Variants in CDKAL1 observed in about 807,000 individuals in gnomAD.
CDKAL1 encodes the protein CDKAL1 threonylcarbamoyladenosine tRNA methylthiotransferase.
In CDKAL1, 32 loss-of-function variants were observed where a neutral mutation model predicts 68.2. That is an observed-to-expected ratio of 0.47 (90% CI 0.35 to 0.63). The LOEUF is 0.63. Ranked by LOEUF, CDKAL1 falls within the 30% of genes least tolerant of loss-of-function variation. The pLI is 0.00. For missense variants in CDKAL1, 606 were observed against 696.7 expected (o/e 0.87, Z 1.47); for synonymous variants, 234 against 244.3 (o/e 0.96, Z 0.39).
chr6:20,647,160 TCA>T (rs1768511727), intron 4 of CDKAL1, among the ~76,000 whole-genome samples: 1 of 152,274 alleles, frequency 6.6e-6, no homozygotes, highest in Non-Finnish European at 1.5e-5. Context: ...TATTGCTTTG[TCA>T]TTTGAAATTC....
chr6:20,766,296 TG>T (rs754245921), intron 7 of CDKAL1, among the ~76,000 whole-genome samples: 8 of 152,212 alleles, frequency 5.3e-5, no homozygotes, highest in Non-Finnish European at 1.5e-5. Flanking sequence ...TTCTTAATTC[TG>T]GGGTTTTGGT....
intron 15 of CDKAL1, among the ~76,000 whole-genome samples, chr6:21,228,609 T>G (rs1779839634): frequency 6.6e-6 from 1 of 152,200 alleles, no homozygotes; most frequent in African/African-American, 2.4e-5. Context: ...TCTCATATTA[T>G]TCACTCGATC....
intron 5 of CDKAL1, among the ~76,000 whole-genome samples, chr6:20,726,501 A>G (rs1772665512): frequency 6.6e-6 from 1 of 152,206 alleles, no homozygotes; most frequent in Non-Finnish European, 1.5e-5. Context: ...AACTTCTTTA[A>G]ATATTTTAGA....
chr6:21,016,152 G>GTATA (rs145660610), intron 11 of CDKAL1, among the ~76,000 whole-genome samples: 155 of 148,168 alleles, frequency 1.0e-3, no homozygotes, highest in South Asian at 1.9e-3. Flanking sequence ...ATATATATGT[G>GTATA]TATATATATA....
At chr6:20,963,159 C>T (rs1156354879) in intron 10 of CDKAL1, among the ~76,000 whole-genome samples, 2 of 152,124 alleles carry the variant, frequency 1.3e-5, no homozygotes, top group Non-Finnish European at 2.9e-5. Context: ...TCCTTTCTTG[C>T]CTGCCAAAGG....
intron 6 of CDKAL1, among the ~76,000 whole-genome samples, chr6:20,741,606 G>A (rs1167551295): frequency 2.6e-5 from 4 of 151,960 alleles, no homozygotes; most frequent in African/African-American, 7.2e-5. Context: ...AAGGATAATG[G>A]CCTCCAGCTC....
intron 13 of CDKAL1, among the ~76,000 whole-genome samples, chr6:21,155,517 C>G (rs1776601930): frequency 6.6e-6 from 1 of 152,146 alleles, no homozygotes; most frequent in Non-Finnish European, 1.5e-5. Context: ...ACATCACCTC[C>G]CATGGTAGCA....
chr6:20,740,106 T>C (rs1018259161), intron 6 of CDKAL1, among the ~76,000 whole-genome samples: 3 of 152,254 alleles, frequency 2.0e-5, no homozygotes, highest in African/African-American at 7.2e-5. Context: ...TTCTCTTTGC[T>C]TACTGTGCAG....
At chr6:20,882,820 TG>T in intron 9 of CDKAL1, among the ~76,000 whole-genome samples, 1 of 152,340 alleles carries the variant, frequency 6.6e-6, no homozygotes, top group African/African-American at 2.4e-5. Context: ...TTCATTTTCA[TG>T]TAGTCTTTAC....
At chr6:20,688,497 A>G (rs537670129) in intron 5 of CDKAL1, among the ~76,000 whole-genome samples, 1 of 151,928 alleles carries the variant, frequency 6.6e-6, no homozygotes, top group Non-Finnish European at 1.5e-5. Context: ...GATATCTTCA[A>G]GCTCAGAGAG....
chr6:21,135,733 C>G, intron 13 of CDKAL1: 4 of 981,270 alleles, frequency 4.1e-6, no homozygotes, highest in African/African-American at 3.5e-5. Context: ...TATTCTAAAC[C>G]AAACCATTTC....
chr6:20,566,252 A>G (rs894814519), intron 4 of CDKAL1, among the ~76,000 whole-genome samples: 3 of 152,178 alleles, frequency 2.0e-5, no homozygotes, highest in Non-Finnish European at 4.4e-5. Flanking sequence ...TGGTTCCTTT[A>G]GATGCCTTGT....
intron 5 of CDKAL1, among the ~76,000 whole-genome samples, chr6:20,689,397 C>G (rs982456414): frequency 1.3e-5 from 2 of 152,196 alleles, no homozygotes; most frequent in East Asian, 1.9e-4. Context: ...GTTTTCTGCT[C>G]AGGCAAATTG....
At chr6:20,987,942 G>C (rs1046610368) in intron 10 of CDKAL1, among the ~76,000 whole-genome samples, 2 of 120,074 alleles carry the variant, frequency 1.7e-5, no homozygotes, top group Non-Finnish European at 3.5e-5. Flanking sequence ...ACCATCCCCA[G>C]CTTTTTTTTT....
rs552082871 is a variant in CDKAL1 at position 20,721,556 on chromosome 6, T to C, written c.372-17963T>C. Among the ~76,000 whole-genome samples, 8 of 152,202 alleles carry C rather than the reference T, an allele frequency of 5.3e-5. No individual in the cohort carries two copies. The South Asian group carries it at 1.0e-3, about 20-fold the overall frequency. On this transcript the variant is annotated intron_variant, in intron 5 of 15. Coordinates refer to ENST00000274695, the MANE Select transcript of CDKAL1 (RefSeq NM_017774.3). Reference sequence around the variant, plus strand: ...GCAGGTAGCCCTTTAATATGTTGATTTCTTTTCCTTTGGGTAGATACCCAG... The same window carrying C: ...GCAGGTAGCCCTTTAATATGTTGATCTCTTTTCCTTTGGGTAGATACCCAG...
At chr6:21,195,472 G>GTTTTT (rs199522083) in intron 13 of CDKAL1, among the ~76,000 whole-genome samples, 12 of 135,654 alleles carry the variant, frequency 8.8e-5, no homozygotes, top group Non-Finnish European at 1.9e-4. Context: ...CTCTGGAGAT[G>GTTTTT]TTTTTTTTAT....
intron 13 of CDKAL1, among the ~76,000 whole-genome samples, chr6:21,125,154 G>C (rs1236009807): frequency 6.6e-6 from 1 of 152,152 alleles, no homozygotes; most frequent in Non-Finnish European, 1.5e-5. Flanking sequence ...GAGAAGCCAG[G>C]TGGAGGTGAT....
At chr6:20,675,061 T>G (rs1458767946) in intron 5 of CDKAL1, among the ~76,000 whole-genome samples, 1 of 152,088 alleles carries the variant, frequency 6.6e-6, no homozygotes, top group Non-Finnish European at 1.5e-5. Context: ...TGGAGTAAAT[T>G]TCATATGGTT....
At chr6:20,668,288 T>C (rs527755387) in intron 5 of CDKAL1, among the ~76,000 whole-genome samples, 31 of 152,322 alleles carry the variant, frequency 2.0e-4, no homozygotes, top group African/African-American at 7.5e-4. Context: ...TAATTGGCAT[T>C]ATAAATACTG....
Sources: allele counts gnomAD v4.1 joint callset (sites outside exome capture counted in the v4.1 genomes callset), GRCh38; gene constraint gnomAD v4.1.1; transcripts MANE v1.5; gene names NCBI Gene and HGNC (gene_info 2026-07-23, HGNC 2026-07-21).